TFAP2D: variants seen among roughly 807,000 people sequenced by gnomAD.
The protein encoded by TFAP2D is transcription factor AP-2-delta.
TFAP2D carries 9 observed loss-of-function variants against 43.6 expected under a neutral mutation model. The ratio of observed to expected loss-of-function variants is 0.21; its 90% CI spans 0.12 to 0.36. The LOEUF (loss-of-function observed/expected upper bound fraction) is 0.36, where lower values mean the gene tolerates loss of function less well. Ranked by LOEUF, TFAP2D falls within the 10% of genes least tolerant of loss-of-function variation. TFAP2D has a pLI of 1.00. For synonymous variants in TFAP2D, 256 were observed against 224.9 expected (o/e 1.14, Z -1.24); for missense variants, 513 against 561.4 (o/e 0.91, Z 0.87).
In TFAP2D at chr6:50,752,309, G is replaced by A. The variant is rs1769211605; in HGVS notation, c.1139+985G>A. ...TTGGAATGAAGAAAATATTTATCTG[G>A]TTAGTTTGTGCCCCATATGGAAGTG... On this transcript the variant is annotated intron_variant, in intron 7 of 7. Coordinates refer to ENST00000008391, the MANE Select transcript of TFAP2D (RefSeq NM_172238.4). 2.6e-5 allele frequency among the ~76,000 whole-genome samples: 4 copies of A among 151,738 alleles called. No individual in the cohort carries two copies. The South Asian group carries it at 8.3e-4, about 32-fold the overall frequency.
chr6:50,727,058 C>T (rs928666685), intron 3 of TFAP2D, among the ~76,000 whole-genome samples: 11 of 152,188 alleles, frequency 7.2e-5, no homozygotes, highest in African/African-American at 2.7e-4. Flanking sequence ...GAGGTTTTGG[C>T]AGAGTGCACA....
At chr6:50,730,869 C>A (rs760382599) in intron 5 of TFAP2D, among the ~76,000 whole-genome samples, 9 of 151,950 alleles carry the variant, frequency 5.9e-5, no homozygotes, top group African/African-American at 1.7e-4. Flanking sequence ...TCCTTGGAAC[C>A]CTTTTCACCA....
intron 3 of TFAP2D, among the ~76,000 whole-genome samples, chr6:50,720,174 C>G (rs1243296787): frequency 6.6e-6 from 1 of 152,188 alleles, no homozygotes; most frequent in African/African-American, 2.4e-5. Flanking sequence ...TAACAGAACA[C>G]TAAAAACTGA....
intron 7 of TFAP2D, among the ~76,000 whole-genome samples, chr6:50,766,980 T>A (rs565161270): frequency 2.0e-5 from 3 of 152,282 alleles, no homozygotes; most frequent in Non-Finnish European, 2.9e-5. Context: ...CTTTCTTAAT[T>A]TCTTTCTTAA....
intron 3 of TFAP2D, among the ~76,000 whole-genome samples, chr6:50,722,884 T>A (rs2114032778): frequency 6.6e-6 from 1 of 152,330 alleles, no homozygotes; most frequent in Non-Finnish European, 1.5e-5. Flanking sequence ...TTTCGCTTTG[T>A]GATCATTCTG....
chr6:50,745,247 A>G lies in TFAP2D; in HGVS notation c.1024A>G (p.Lys342Glu). ...AAGAAAAAAGATGATCCTGGCGACC[A>G]AGTAAGCAGAATGGGGAAACCTCTG... ...TARKKMILAT[K>E]QICKEFQDLL... Residue 342 changes from lysine (K) to glutamate (E), a missense_variant and splice_region_variant, in exon 6 of 8, where the codon AAA becomes GAA. Lys to Glu is a moderately conservative substitution (Grantham distance 56). Coordinates refer to ENST00000008391, the MANE Select transcript of TFAP2D (RefSeq NM_172238.4). 2 of 1,613,434 alleles carry G rather than the reference A, an allele frequency of 1.2e-6. No individual in the cohort carries two copies. The highest frequency in any genetic ancestry group is 1.7e-6 in the Non-Finnish European group (2 of 1,179,620).
At chr6:50,762,845 T>C (rs1262810348) in intron 7 of TFAP2D, among the ~76,000 whole-genome samples, 1 of 151,960 alleles carries the variant, frequency 6.6e-6, no homozygotes, top group African/African-American at 2.4e-5. Flanking sequence ...TGTAATCTAG[T>C]TAGAGACAGA....
At chr6:50,748,236 A>T (rs1372488061) in intron 6 of TFAP2D, among the ~76,000 whole-genome samples, 1 of 151,912 alleles carries the variant, frequency 6.6e-6, no homozygotes, top group African/African-American at 2.4e-5. Context: ...TGGACCCAAC[A>T]TGTGTTCTGA....
intron 7 of TFAP2D, among the ~76,000 whole-genome samples, 193 bp downstream of exon 7, chr6:50,751,517 G>A (rs1021941152): frequency 1.3e-5 from 2 of 151,846 alleles, no homozygotes; most frequent in Non-Finnish European, 2.9e-5. Context: ...CAGTTTGGAG[G>A]CCTGGGAAGT....
chr6:50,714,987 C>G (rs543592173), intron 1 of TFAP2D, 129 bp from the exon 2 acceptor site: 96 of 1,284,688 alleles, frequency 7.5e-5, no homozygotes, highest in Non-Finnish European at 9.9e-5. Context: ...TCGGCTCGGC[C>G]CGAGTCCTAC....
chr6:50,745,396 A>T (rs1769111467), intron 6 of TFAP2D, 148 bp downstream of exon 6: 1 of 1,176,604 alleles, frequency 8.5e-7, no homozygotes, highest in Non-Finnish European at 1.2e-6. Context: ...TTAAACAAGG[A>T]CTTTCTACCC....
chr6:50,715,143 CG>C lies in TFAP2D; in HGVS notation c.68del (p.Arg23LeufsTer2). On this transcript the variant is annotated frameshift_variant, in exon 2 of 8. Transcript: ENST00000008391. LOFTEE classifies it high-confidence loss of function. ...ACGTCACGACGGATCAAACAGCTAC[CG>C]TTTGATGCAGCTTGGCTGTCTGGAG... ...EIRHDGSNSY[R>X]LMQLGCLESV... 6.2e-7 allele frequency: 1 copy of C among 1,614,122 alleles called. No individual in the cohort carries two copies. The highest frequency in any genetic ancestry group is 8.5e-7 in the Non-Finnish European group (1 of 1,180,024).
intron 5 of TFAP2D, among the ~76,000 whole-genome samples, chr6:50,741,069 G>A (rs1229875476): frequency 1.3e-5 from 2 of 151,712 alleles, no homozygotes; most frequent in East Asian, 3.9e-4. Context: ...TAAGAGATAT[G>A]TTTAATATAA....
chr6:50,727,089 A>G (rs1048209603), intron 3 of TFAP2D, among the ~76,000 whole-genome samples: 1 of 152,178 alleles, frequency 6.6e-6, no homozygotes, highest in Non-Finnish European at 1.5e-5. Context: ...TCTAGCCTGA[A>G]GATGGTTGGC....
intron 7 of TFAP2D, among the ~76,000 whole-genome samples, chr6:50,760,563 C>T (rs980636184): frequency 6.6e-6 from 1 of 151,960 alleles, no homozygotes; most frequent in African/African-American, 2.4e-5. Context: ...TCTTCACCAC[C>T]AGAGAACTAG....
At chr6:50,724,220 T>A (rs1016618778) in intron 3 of TFAP2D, among the ~76,000 whole-genome samples, 5 of 151,830 alleles carry the variant, frequency 3.3e-5, no homozygotes, top group Non-Finnish European at 7.4e-5. Context: ...CTCGCAGAAA[T>A]GCAACCGCAG....
At chr6:50,716,164 G>T (rs1352313033) in intron 2 of TFAP2D, among the ~76,000 whole-genome samples, 1 of 152,084 alleles carries the variant, frequency 6.6e-6, no homozygotes, top group African/African-American at 2.4e-5. Context: ...TTGAACAAAA[G>T]TTTCACCAAA....
At chr6:50,714,992 T>G (rs1286384788) in intron 1 of TFAP2D, 124 bp from the exon 2 acceptor site, 4 of 1,321,402 alleles carry the variant, frequency 3.0e-6, no homozygotes, top group Non-Finnish European at 4.1e-6. Context: ...TCGGCCCGAG[T>G]CCTACGCGCT....
intron 5 of TFAP2D, among the ~76,000 whole-genome samples, chr6:50,731,169 C>A (rs1768887227): frequency 6.6e-6 from 1 of 152,046 alleles, no homozygotes; most frequent in Non-Finnish European, 1.5e-5. Flanking sequence ...GCATACCTCT[C>A]CTATCCCAAA....
Sources: gnomAD v4.1 joint callset for allele counts (sites outside exome capture counted in the v4.1 genomes callset) on GRCh38, gnomAD v4.1.1 for gene constraint, MANE v1.5 for transcripts, NCBI Gene and HGNC (gene_info 2026-07-23, HGNC 2026-07-21) for gene names.